PRKCZ: variants seen among roughly 807,000 people sequenced by gnomAD.
The protein encoded by PRKCZ is protein kinase C zeta type.
PRKCZ carries 33 observed loss-of-function variants against 79.5 expected under a neutral mutation model. That is an observed-to-expected ratio of 0.41 (90% CI 0.31 to 0.55). The LOEUF (loss-of-function observed/expected upper bound fraction) is 0.55, where lower values mean the gene tolerates loss of function less well. Ranked by LOEUF, PRKCZ falls within the 20% of genes least tolerant of loss-of-function variation. PRKCZ has a pLI of 0.19. For missense variants in PRKCZ, 578 were observed against 813.5 expected, an observed-to-expected ratio of 0.71 and a Z score of 3.52; for synonymous variants, 342 against 320.9, an observed-to-expected ratio of 1.07 and a Z score of -0.70.
At position 2,168,410 on chromosome 1, in the gene PRKCZ, C is replaced by G. The variant is rs963389524; in HGVS notation, c.975-1108C>G. On this transcript the variant is annotated intron_variant, in intron 10 of 17. Transcript: ENST00000378567. This position sits in a 1 kb window ranked among gnomAD's most constrained non-coding sequence, Gnocchi z 4.7. ...GAGGAACGAGCCTTCCCCAGCCGCT[C>G]CCCAAAGGCACGGCTTATTCTTCAG... 1.3e-5 allele frequency among the ~76,000 whole-genome samples: 2 copies of G among 152,210 alleles called. No homozygotes were observed. Among genetic ancestry groups the G allele is most frequent in the African/African-American group, 4.8e-5 (2 of 41,442 alleles).
chr1:2,172,135 A>G lies in PRKCZ; in HGVS notation c.1142A>G (p.Asn381Ser). 2 of 1,613,356 alleles carry G rather than the reference A, an allele frequency of 1.2e-6. No homozygotes were observed. Among genetic ancestry groups the G allele is most frequent in the Non-Finnish European group, 1.7e-6 (2 of 1,179,954 alleles). The change falls in exon 12 of 18, where the codon AAC becomes AGC. Residue 381 changes from asparagine to serine, a missense_variant. By Grantham distance (46) the Asn-to-Ser change is conservative. Coordinates refer to ENST00000378567, the MANE Select transcript of PRKCZ (RefSeq NM_002744.6). The surrounding 1 kb of genome is among the most constrained non-coding windows in gnomAD (Gnocchi z 7.8). ...ATCTACAGGGACCTGAAGCTGGACAACGTCCTCCTGGATGCGGACGGGCAC... is the reference window on the plus strand; with the variant it reads ...ATCTACAGGGACCTGAAGCTGGACAGCGTCCTCCTGGATGCGGACGGGCAC... ...GIIYRDLKLD[N>S]VLLDADGHIK...
chr1:2,159,816 C>A (rs1398163571), intron 10 of PRKCZ, among the ~76,000 whole-genome samples: 1 of 152,164 alleles, frequency 6.6e-6, no homozygotes, highest in Non-Finnish European at 1.5e-5. Context: ...CAGACAGCAG[C>A]CAAAATTGAA....
chr1:2,118,014 T>TTTTTTTTTTTTTA (rs79751474), intron 4 of PRKCZ, among the ~76,000 whole-genome samples: 1 of 146,108 alleles, frequency 6.8e-6, no homozygotes. Context: ...TTTTTTTTTT[T>TTTTTTTTTTTTTA]GGAGTCTCAC....
intron 4 of PRKCZ, among the ~76,000 whole-genome samples, chr1:2,099,215 G>A (rs963524981): frequency 2.6e-5 from 4 of 152,164 alleles, no homozygotes; most frequent in African/African-American, 7.2e-5. Context: ...CTCACAAGTC[G>A]CTGGGATATG....
intron 3 of PRKCZ, among the ~76,000 whole-genome samples, chr1:2,059,055 A>G (rs1410478611): frequency 2.0e-5 from 3 of 152,286 alleles, no homozygotes; most frequent in South Asian, 4.2e-4. Context: ...TCGGCCTCCC[A>G]AAGTGCTGGG....
chr1:2,103,761 A>G (rs1667890982), intron 4 of PRKCZ, among the ~76,000 whole-genome samples: 1 of 152,186 alleles, frequency 6.6e-6, no homozygotes, highest in Non-Finnish European at 1.5e-5. Context: ...GGGATAGCAA[A>G]GTAGATGGGA....
chr1:2,178,785 C>T lies in PRKCZ; in HGVS notation c.1575+3472C>T, dbSNP rs375138931. 6.6e-6 allele frequency among the ~76,000 whole-genome samples: 1 copy of T among 152,180 alleles called. No individual in the cohort carries two copies. The highest frequency in any genetic ancestry group is 1.5e-5 in the Non-Finnish European group (1 of 68,030). On this transcript the variant is annotated intron_variant, in intron 16 of 17. Transcript: ENST00000378567. This position sits in a 1 kb window ranked among gnomAD's most constrained non-coding sequence, Gnocchi z 4.3. Reference sequence around the variant, plus strand: ...TGTGGGAGTGGGGCACGTGTGAGGCCTTGGTCCCCACCTGTGGACTCAGGG... The same window carrying T: ...TGTGGGAGTGGGGCACGTGTGAGGCTTTGGTCCCCACCTGTGGACTCAGGG...
intron 9 of PRKCZ, among the ~76,000 whole-genome samples, chr1:2,153,768 T>C (rs892945524): frequency 1.3e-5 from 2 of 152,256 alleles, no homozygotes; most frequent in African/African-American, 4.8e-5. Flanking sequence ...GGTTTTGTTC[T>C]GTCTTGAAAT....
chr1:2,137,197 G>A (rs765768146), intron 5 of PRKCZ, among the ~76,000 whole-genome samples: 16 of 152,154 alleles, frequency 1.1e-4, no homozygotes, highest in Non-Finnish European at 1.6e-4. Context: ...AGGGTAGGAC[G>A]AGTGGCAGGA....
intron 4 of PRKCZ, chr1:2,074,160 GC>G (rs1363899490): frequency 2.3e-5 from 36 of 1,547,650 alleles, no homozygotes; most frequent in Non-Finnish European, 2.9e-5. Context: ...CAGGGGAAAC[GC>G]AGTGAGAGGC....
intron 4 of PRKCZ, among the ~76,000 whole-genome samples, chr1:2,070,808 G>A (rs1571155402): frequency 6.6e-6 from 1 of 151,940 alleles, no homozygotes; most frequent in Non-Finnish European, 1.5e-5. Flanking sequence ...CTCGGCTGCG[G>A]GGGCCGGGGT....
At chr1:2,079,357 A>G (rs2803344) in intron 4 of PRKCZ, among the ~76,000 whole-genome samples, 18,096 of 152,228 alleles carry the variant, frequency 0.12, 3,505 homozygotes, top group African/African-American at 0.4. Flanking sequence ...GTTCTGGGTA[A>G]AGATTAGCAC....
intron 4 of PRKCZ, among the ~76,000 whole-genome samples, chr1:2,119,376 A>G (rs952652364): frequency 4.6e-5 from 7 of 151,884 alleles, no homozygotes; most frequent in Non-Finnish European, 8.8e-5. Flanking sequence ...CACCATGCCC[A>G]ACTATTTTTT....
In PRKCZ at chr1:2,107,155, G is replaced by A. The variant is rs80054444; in HGVS notation, c.335-28107G>A. Among the ~76,000 whole-genome samples, 27 of 152,354 alleles carry A rather than the reference G, an allele frequency of 1.8e-4. No homozygotes were observed. In the East Asian group the frequency reaches 4.4e-3, roughly 25 times the overall value. On this transcript the variant is annotated intron_variant, in intron 4 of 17. Transcript: ENST00000378567. The stretch of plus-strand genomic sequence containing the variant: ...GGTTCTGCGTCTGTGACCGGGGTGC[G>A]GAGCACTGGTGTGCAGTTCTCTGTC...
intron 4 of PRKCZ, among the ~76,000 whole-genome samples, chr1:2,091,257 G>A (rs1392557315): frequency 6.6e-6 from 1 of 152,148 alleles, no homozygotes; most frequent in African/African-American, 2.4e-5. Flanking sequence ...GGCTGCTCTC[G>A]AACTCCTGAC....
At position 2,149,053 on chromosome 1, in the gene PRKCZ, A is replaced by C; in HGVS notation, c.687+129A>C. Reference sequence around the variant, plus strand: ...TCCGGGGTGTTGCTAACTAATCTTCACGGGTGTGGATGTCTAGAAGGAAGT... The same window carrying C: ...TCCGGGGTGTTGCTAACTAATCTTCCCGGGTGTGGATGTCTAGAAGGAAGT... On this transcript the variant is annotated intron_variant, in intron 8 of 17. Coordinates refer to ENST00000378567, the MANE Select transcript of PRKCZ (RefSeq NM_002744.6). This position sits in a 1 kb window ranked among gnomAD's most constrained non-coding sequence, Gnocchi z 4.1. 2.0e-6 allele frequency: 2 copies of C among 988,660 alleles called. No individual in the cohort carries two copies. Among genetic ancestry groups the C allele is most frequent in the Non-Finnish European group, 3.1e-6 (2 of 650,420 alleles). 61.2% of individuals were successfully genotyped at this position (988,660 alleles called of 1,614,324 possible).
chr1:2,156,660 C>G (rs1681112137), intron 10 of PRKCZ: 1 of 155,090 alleles, frequency 6.4e-6, no homozygotes, highest in Non-Finnish European at 1.4e-5. Context: ...GGGGCCACAG[C>G]TGGCATACTG....
chr1:2,073,810 G>A (rs947266595), intron 4 of PRKCZ: 57 of 1,028,248 alleles, frequency 5.5e-5, no homozygotes, highest in Middle Eastern at 4.8e-4. Context: ...GCCTATTGTC[G>A]GGGCCGGAGG....
chr1:2,171,831 C>CT (rs1264983739), intron 11 of PRKCZ, among the ~76,000 whole-genome samples: 1 of 152,224 alleles, frequency 6.6e-6, no homozygotes, highest in Non-Finnish European at 1.5e-5. Flanking sequence ...TTCTCTGTGT[C>CT]TTTGACAGCA....
Sources: allele counts gnomAD v4.1 joint callset (sites outside exome capture counted in the v4.1 genomes callset), GRCh38; gene constraint gnomAD v4.1.1; non-coding constraint Gnocchi (gnomAD v3.1); transcripts MANE v1.5; gene names NCBI Gene and HGNC (gene_info 2026-07-23, HGNC 2026-07-21).